Variants in RDH13 observed in about 807,000 individuals in gnomAD.
The protein encoded by RDH13 is retinol dehydrogenase 13 (all-trans and 9-cis).
RDH13 carries 35 observed loss-of-function variants against 28.3 expected under a neutral mutation model. That is an observed-to-expected ratio of 1.24 (90% CI 0.95 to 1.64). The LOEUF is 1.64. RDH13 is among the 40% of genes most tolerant of loss of function. RDH13 has a pLI of 0.00. For missense variants in RDH13, 514 were observed against 446.3 expected, an observed-to-expected ratio of 1.15 and a Z score of -1.37; for synonymous variants, 229 against 198.5, an observed-to-expected ratio of 1.15 and a Z score of -1.29.
At chr19:55,049,357 C>G (rs2075353610) in intron 3 of RDH13, among the ~76,000 whole-genome samples, 1 of 152,176 alleles carries the variant, frequency 6.6e-6, no homozygotes, top group Admixed American at 6.5e-5. Context: ...CTCACTCATA[C>G]AAGCAACCAA....
rs528072285 is a variant in RDH13, at chr19:55,059,913, T to A, written c.66-638A>T. ...CTAGGGCTGTGCAGGAAGTGCCTTGTTAACACAATGTTTCCAAGCAGTATA... is the reference window on the plus strand; with the variant it reads ...CTAGGGCTGTGCAGGAAGTGCCTTGATAACACAATGTTTCCAAGCAGTATA... On this transcript the variant is annotated intron_variant, in intron 1 of 6. Coordinates refer to ENST00000415061, the MANE Select transcript of RDH13 (RefSeq NM_001145971.2). Among the ~76,000 whole-genome samples the A allele has an allele frequency of 2.3e-4, 35 of 152,308 alleles. No homozygotes were observed. In the South Asian group the frequency reaches 7.3e-3, roughly 32 times the overall value.
intron 1 of RDH13, among the ~76,000 whole-genome samples, chr19:55,059,724 CTA>C (rs1404579747): frequency 6.6e-6 from 1 of 152,118 alleles, no homozygotes; most frequent in Non-Finnish European, 1.5e-5. Context: ...GTTACTGTGT[CTA>C]TATAGAAAGG....
intron 3 of RDH13, among the ~76,000 whole-genome samples, chr19:55,052,666 TTTA>T (rs1214325349): frequency 2.4e-4 from 31 of 130,758 alleles, no homozygotes; most frequent in Admixed American, 1.2e-3. Context: ...CTCATTGTTT[TTTA>T]TTTTTTTTTT....
upstream of RDH13, chr19:55,067,464 T>C (rs2075981134): frequency 6.6e-6 from 1 of 151,990 alleles, no homozygotes; most frequent in African/African-American, 2.4e-5. Flanking sequence ...CAGGAATGCA[T>C]ATGAGAGATA....
At chr19:55,067,844 T>C (rs1045026399), upstream of RDH13, 2 of 151,502 alleles carry the variant, frequency 1.3e-5, no homozygotes, top group African/African-American at 2.4e-5. Context: ...AAGCCACTGA[T>C]TGATTAGCTG....
At chr19:55,062,946 C>G (rs932145895) in intron 1 of RDH13, 22 bp downstream of exon 1, 57 of 1,446,078 alleles carry the variant, frequency 3.9e-5, no homozygotes, top group Non-Finnish European at 5.0e-5. Flanking sequence ...TGACCGCGCA[C>G]GCGGGGCTAG....
At chr19:55,064,620 GT>G (rs561249203), upstream of RDH13, among the ~76,000 whole-genome samples, 1 of 151,166 alleles carries the variant, frequency 6.6e-6, no homozygotes, top group African/African-American at 2.4e-5. Context: ...TGTTTGTTTT[GT>G]TTTGTTTTTT....
At chr19:55,045,877 C>CGGAGGTT (rs1811506057) in intron 6 of RDH13, among the ~76,000 whole-genome samples, 2 of 144,858 alleles carry the variant, frequency 1.4e-5, no homozygotes, top group South Asian at 4.5e-4. Context: ...ACCTGGGAGG[C>CGGAGGTT]GGAGGTTGCA....
intron 3 of RDH13, among the ~76,000 whole-genome samples, chr19:55,054,902 G>GCCAT (rs2075580729): frequency 6.6e-6 from 1 of 152,044 alleles, no homozygotes; most frequent in African/African-American, 2.4e-5. Flanking sequence ...GCTTGATTTA[G>GCCAT]CCATTCTACA....
chr19:55,043,899 T>G (rs1014012023), downstream of RDH13, among the ~76,000 whole-genome samples: 2 of 148,604 alleles, frequency 1.3e-5, no homozygotes, highest in Non-Finnish European at 3.0e-5. Context: ...GAAAGGGGCT[T>G]TCATCTCTAA....
chr19:55,056,594 G>A (rs2075641121), intron 3 of RDH13, 59 bp downstream of exon 3: 2 of 1,584,254 alleles, frequency 1.3e-6, no homozygotes, highest in East Asian at 4.5e-5. Flanking sequence ...ACTTCTCAGA[G>A]CCTGGCCCTG....
intron 3 of RDH13, chr19:55,050,842 A>G (rs575036473): frequency 6.6e-6 from 1 of 152,104 alleles, no homozygotes; most frequent in East Asian, 1.9e-4. Flanking sequence ...CGTAACACAC[A>G]GACACCATCT....
intron 2 of RDH13, among the ~76,000 whole-genome samples, chr19:55,058,806 A>C (rs934430833): frequency 1.3e-5 from 2 of 151,950 alleles, no homozygotes; most frequent in African/African-American, 4.8e-5. Context: ...TCAGCCTCCC[A>C]AGCAGCTGGG....
At chr19:55,052,519 G>A (rs2075480058) in intron 3 of RDH13, among the ~76,000 whole-genome samples, 1 of 148,324 alleles carries the variant, frequency 6.7e-6, no homozygotes, top group South Asian at 2.1e-4. Flanking sequence ...ACCAGCCTGG[G>A]CAACAAGAGC....
At chr19:55,049,186 T>G (rs1338889522) in intron 3 of RDH13, among the ~76,000 whole-genome samples, 4 of 152,078 alleles carry the variant, frequency 2.6e-5, no homozygotes, top group Non-Finnish European at 5.9e-5. Flanking sequence ...GCCACTGGGT[T>G]TGCAGTACAT....
At chr19:55,064,581 G>C (rs140794374), upstream of RDH13, among the ~76,000 whole-genome samples, 13 of 151,868 alleles carry the variant, frequency 8.6e-5, 1 homozygote, top group East Asian at 2.5e-3. Flanking sequence ...GATGAGATTG[G>C]GAAGTCACAG....
At chr19:55,062,024 G>T (rs974866005) in intron 1 of RDH13, among the ~76,000 whole-genome samples, 1 of 152,080 alleles carries the variant, frequency 6.6e-6, no homozygotes, top group South Asian at 2.1e-4. Context: ...GGCTGAGGCC[G>T]GACAATCGCT....
At chr19:55,049,487 G>A (rs1480154317) in intron 3 of RDH13, among the ~76,000 whole-genome samples, 1 of 152,102 alleles carries the variant, frequency 6.6e-6, no homozygotes, top group Non-Finnish European at 1.5e-5. Flanking sequence ...ACAGACAGGT[G>A]GTTTAAAACC....
At chr19:55,048,215 T>A in intron 5 of RDH13, 114 bp downstream of exon 5, 1 of 1,551,848 alleles carries the variant, frequency 6.4e-7, no homozygotes, top group Non-Finnish European at 8.7e-7. Flanking sequence ...TGCTCTACTT[T>A]TGCTGACTCT....
Sources: allele counts gnomAD v4.1 joint callset (sites outside exome capture counted in the v4.1 genomes callset), GRCh38; gene constraint gnomAD v4.1.1; transcripts MANE v1.5; gene names NCBI Gene and HGNC (gene_info 2026-07-23, HGNC 2026-07-21).